The following FAF1 variants were observed in gnomAD, a reference collection of about 807,000 sequenced individuals.
FAF1 encodes FAS-associated factor 1.
FAF1 carries 25 observed loss-of-function variants against 92.5 expected under a neutral mutation model. The ratio of observed to expected loss-of-function variants is 0.27; its 90% CI spans 0.20 to 0.38. FAF1 has a LOEUF of 0.38. Ranked by LOEUF, FAF1 falls within the 10% of genes least tolerant of loss-of-function variation. FAF1 has a pLI of 1.00. For synonymous variants in FAF1, 234 were observed against 273.2 expected (o/e 0.86, Z 1.42); for missense variants, 636 against 793.3 (o/e 0.80, Z 2.38).
Position 50,754,149 on chromosome 1 carries a change from C to T in FAF1, c.368-9374G>A, listed in dbSNP as rs189173858. On this transcript the variant is annotated intron_variant, in intron 4 of 18. Transcript: ENST00000396153. The stretch of plus-strand genomic sequence containing the variant: ...TGGGCCAGGTTTTTCTACATCTTTG[C>T]GTGCCTGGTAATTTTTTATTGGATG... 1.2e-4 allele frequency among the ~76,000 whole-genome samples: 18 copies of T among 152,168 alleles called. No homozygotes were observed. The East Asian group carries it at 1.3e-3, about 11-fold the overall frequency.
chr1:50,873,964 T>C (rs1169756538), intron 1 of FAF1, among the ~76,000 whole-genome samples: 1 of 152,170 alleles, frequency 6.6e-6, no homozygotes, highest in African/African-American at 2.4e-5. Flanking sequence ...CTTCAGCCCC[T>C]AGTATCTACA....
chr1:50,827,177 G>A (rs1292372090), intron 2 of FAF1, among the ~76,000 whole-genome samples: 1 of 152,096 alleles, frequency 6.6e-6, no homozygotes, highest in Non-Finnish European at 1.5e-5. Context: ...TGGCGGTTTT[G>A]TCAAAAAGAA....
At chr1:50,475,419 A>G in intron 18 of FAF1, 45 bp downstream of exon 18, 1 of 1,467,640 alleles carries the variant, frequency 6.8e-7, no homozygotes, top group South Asian at 1.2e-5. Context: ...ATGATGGCAC[A>G]TCTCCCACCT....
At chr1:50,451,767 A>G (rs1646296128) in intron 18 of FAF1, 1 of 854,404 alleles carries the variant, frequency 1.2e-6, no homozygotes, top group East Asian at 1.2e-4. Context: ...GGGGACAGAA[A>G]AGCCCAGTGA....
intron 15 of FAF1, among the ~76,000 whole-genome samples, chr1:50,494,045 C>T (rs189570967): frequency 6.6e-6 from 1 of 152,372 alleles, no homozygotes; most frequent in African/African-American, 2.4e-5. Flanking sequence ...TCACAGCTCT[C>T]TCTGACCATC....
intron 7 of FAF1, among the ~76,000 whole-genome samples, chr1:50,699,906 C>T (rs1175462971): frequency 6.6e-6 from 1 of 152,132 alleles, no homozygotes; most frequent in Non-Finnish European, 1.5e-5. Flanking sequence ...ACCCTACATT[C>T]ATGTTAAAAC....
chr1:50,881,932 A>G (rs988435871), intron 1 of FAF1, among the ~76,000 whole-genome samples: 37 of 152,320 alleles, frequency 2.4e-4, no homozygotes, highest in African/African-American at 8.4e-4. Flanking sequence ...GGAAACCCTG[A>G]AAATTGTAAG....
intron 3 of FAF1, among the ~76,000 whole-genome samples, chr1:50,797,119 G>C (rs1297101462): frequency 1.3e-5 from 2 of 152,110 alleles, no homozygotes; most frequent in Non-Finnish European, 2.9e-5. Context: ...CTGGGTGACA[G>C]AGTGAGACCT....
At chr1:50,744,663 C>T (rs757682064) in intron 5 of FAF1, 21 bp downstream of exon 5, 7 of 1,495,944 alleles carry the variant, frequency 4.7e-6, no homozygotes, top group Non-Finnish European at 6.5e-6. Context: ...TCTTTTATTT[C>T]TATGCAATTA....
intron 3 of FAF1, among the ~76,000 whole-genome samples, chr1:50,800,548 C>A (rs1480220826): frequency 6.6e-6 from 1 of 152,274 alleles, no homozygotes; most frequent in East Asian, 1.9e-4. Context: ...CACATTTACT[C>A]TGGATGAAAA....
At chr1:50,877,227 T>C (rs1449419141) in intron 1 of FAF1, among the ~76,000 whole-genome samples, 3 of 152,218 alleles carry the variant, frequency 2.0e-5, no homozygotes, top group Non-Finnish European at 4.4e-5. Context: ...TGCTAAGTCA[T>C]GTTAAAATAT....
intron 15 of FAF1, among the ~76,000 whole-genome samples, chr1:50,496,269 T>A (rs974937265): frequency 1.3e-5 from 2 of 152,212 alleles, no homozygotes; most frequent in African/African-American, 4.8e-5. Context: ...GCTCTACCAA[T>A]AGGTCCTTGT....
At chr1:50,626,484 C>A (rs772261938) in intron 8 of FAF1, among the ~76,000 whole-genome samples, 8 of 151,926 alleles carry the variant, frequency 5.3e-5, no homozygotes, top group Non-Finnish European at 1.0e-4. Context: ...GATAAAAAGC[C>A]CCAATGATGG....
At chr1:50,603,612 G>A (rs1172952625) in intron 8 of FAF1, among the ~76,000 whole-genome samples, 1 of 152,096 alleles carries the variant, frequency 6.6e-6, no homozygotes, top group South Asian at 2.1e-4. Flanking sequence ...TTCACAATCC[G>A]AGGTTTCTTC....
At chr1:50,500,835 A>G (rs1009978671) in intron 15 of FAF1, among the ~76,000 whole-genome samples, 11 of 152,170 alleles carry the variant, frequency 7.2e-5, no homozygotes, top group African/African-American at 2.7e-4. Context: ...TATGTAGAAG[A>G]CAAATATTAT....
chr1:50,641,575 C>CAATA (rs1013200638), intron 8 of FAF1, among the ~76,000 whole-genome samples: 1 of 152,078 alleles, frequency 6.6e-6, no homozygotes, highest in African/African-American at 2.4e-5. Flanking sequence ...TGTATTGAGA[C>CAATA]AATAAATAAA....
intron 15 of FAF1, among the ~76,000 whole-genome samples, chr1:50,518,565 T>G (rs1293116675): frequency 1.3e-5 from 2 of 151,942 alleles, no homozygotes; most frequent in African/African-American, 2.4e-5. Context: ...CTCAGCCTCC[T>G]GAGTAGCTGG....
intron 8 of FAF1, among the ~76,000 whole-genome samples, chr1:50,597,147 G>A (rs1446017049): frequency 6.6e-6 from 1 of 152,180 alleles, no homozygotes; most frequent in Non-Finnish European, 1.5e-5. Flanking sequence ...GCACACAGTT[G>A]GTGGCTCAAC....
At chr1:50,756,203 C>T in intron 4 of FAF1, among the ~76,000 whole-genome samples, 1 of 152,184 alleles carries the variant, frequency 6.6e-6, no homozygotes, top group Admixed American at 6.5e-5. Flanking sequence ...TAACAGCACC[C>T]AAGTCACCTC....
Sources: allele counts gnomAD v4.1 joint callset (sites outside exome capture counted in the v4.1 genomes callset), GRCh38; gene constraint gnomAD v4.1.1; transcripts MANE v1.5; gene names NCBI Gene and HGNC (gene_info 2026-07-23, HGNC 2026-07-21).